NBAS: variants seen among roughly 807,000 people sequenced by gnomAD.
NBAS encodes NAG/BC035112 fusion.
NBAS carries 219 observed loss-of-function variants against 302.5 expected under a neutral mutation model. The ratio of observed to expected loss-of-function variants is 0.72; its 90% CI spans 0.65 to 0.81. The LOEUF is 0.81. Ranked by LOEUF, NBAS falls within the 30% of genes least tolerant of loss-of-function variation. The pLI, the probability that NBAS is intolerant of heterozygous loss-of-function variation, is 0.00. For missense variants in NBAS, 2,932 were observed against 2,841.6 expected (o/e 1.03, Z -0.72); for synonymous variants, 1,118 against 1,021.6 (o/e 1.09, Z -1.80).
At chr2:15,413,983 A>G (rs1418868917) in intron 25 of NBAS, among the ~76,000 whole-genome samples, 2 of 152,234 alleles carry the variant, frequency 1.3e-5, no homozygotes, top group Non-Finnish European at 2.9e-5. Context: ...GAAGTATAAC[A>G]CACAAGATTA....
At position 15,475,760 on chromosome 2, in the gene NBAS, C is replaced by G. The variant is rs781737999; in HGVS notation, c.1268G>C (p.Gly423Ala). The change falls in exon 14 of 52, where the codon GGA becomes GCA. Residue 423 changes from glycine (G) to alanine (A), a missense_variant. Physicochemically the swap from Gly to Ala is moderately conservative, Grantham distance 60. Coordinates refer to ENST00000281513, the MANE Select transcript of NBAS (RefSeq NM_015909.4). ...TGGTTCAAACCATTCACAGGATTTT[C>G]CCAGTAAATTCTTCAAAGTTTTCAC... ...SSVKTLKNLL[G>A]KSCEWFEPSP... 2.5e-6 allele frequency: 4 copies of G among 1,613,946 alleles called. No homozygotes were observed. The African/African-American group carries it at 5.3e-5, about 22-fold the overall frequency.
At chr2:14,797,975 G>T in the NBAS span, among the ~76,000 whole-genome samples, 1 of 152,064 alleles carries the variant, frequency 6.6e-6, no homozygotes, top group African/African-American at 2.4e-5. Flanking sequence ...CTAAACTAAC[G>T]TTACTTCTAG....
At chr2:14,810,624 G>C in the NBAS span, among the ~76,000 whole-genome samples, 6 of 152,126 alleles carry the variant, frequency 3.9e-5, no homozygotes, top group Non-Finnish European at 8.8e-5. Flanking sequence ...TTCAGATCTG[G>C]ACTCTGGCCT....
At chr2:15,048,697 C>G in the NBAS span, among the ~76,000 whole-genome samples, 1 of 152,234 alleles carries the variant, frequency 6.6e-6, no homozygotes, top group African/African-American at 2.4e-5. Context: ...CTACTTCCTT[C>G]TTGCTGAGAC....
At chr2:14,809,928 A>G in the NBAS span, among the ~76,000 whole-genome samples, 1 of 152,308 alleles carries the variant, frequency 6.6e-6, no homozygotes. Context: ...AAACGAGATC[A>G]TTTTGGAGCT....
chr2:14,912,102 A>G, the NBAS span, among the ~76,000 whole-genome samples: 3 of 152,238 alleles, frequency 2.0e-5, no homozygotes, highest in Non-Finnish European at 4.4e-5. Flanking sequence ...TACTGTAGGC[A>G]ATTATAACAC....
chr2:15,110,659 G>A, the NBAS span, among the ~76,000 whole-genome samples: 1 of 151,990 alleles, frequency 6.6e-6, no homozygotes, highest in Middle Eastern at 3.4e-3. Flanking sequence ...GTGATTGGAG[G>A]GTACTTCTCT....
the NBAS span, among the ~76,000 whole-genome samples, chr2:15,106,813 G>A: frequency 4.6e-5 from 7 of 152,016 alleles, no homozygotes; most frequent in African/African-American, 1.7e-4. Flanking sequence ...ATAGAGGGAG[G>A]TAATACAGTT....
chr2:15,035,585 A>G, the NBAS span, among the ~76,000 whole-genome samples: 1 of 152,234 alleles, frequency 6.6e-6, no homozygotes, highest in South Asian at 2.1e-4. Context: ...ACATGGACTC[A>G]ACCCAAATGC....
At chr2:15,046,050 G>A in the NBAS span, among the ~76,000 whole-genome samples, 1 of 152,148 alleles carries the variant, frequency 6.6e-6, no homozygotes, top group African/African-American at 2.4e-5. Flanking sequence ...TCAGGTGAAT[G>A]TATGTTCATA....
At chr2:15,209,371 G>T (rs545083890) in intron 48 of NBAS, among the ~76,000 whole-genome samples, 2 of 152,014 alleles carry the variant, frequency 1.3e-5, no homozygotes, top group East Asian at 3.9e-4. Context: ...ATTTAAAGAA[G>T]AATAATACCA....
intron 40 of NBAS, among the ~76,000 whole-genome samples, chr2:15,305,967 C>T (rs982550260): frequency 1.3e-5 from 2 of 152,104 alleles, no homozygotes; most frequent in African/African-American, 4.8e-5. Flanking sequence ...CTCAACTGAC[C>T]TTTAGGGGGA....
intron 44 of NBAS, among the ~76,000 whole-genome samples, chr2:15,240,412 C>T (rs1480770306): frequency 7.2e-6 from 1 of 138,400 alleles, no homozygotes; most frequent in South Asian, 2.2e-4. Flanking sequence ...ACAATCCGGG[C>T]TAACATGGTG....
At chr2:14,855,469 G>A in the NBAS span, among the ~76,000 whole-genome samples, 1 of 151,928 alleles carries the variant, frequency 6.6e-6, no homozygotes, top group South Asian at 2.1e-4. Flanking sequence ...GCTCTTGGGG[G>A]TGCCTGATTC....
intron 10 of NBAS, among the ~76,000 whole-genome samples, chr2:15,508,754 A>G (rs1661994597): frequency 6.6e-6 from 1 of 152,172 alleles, no homozygotes; most frequent in South Asian, 2.1e-4. Context: ...CTGTAATCCT[A>G]GCACTTTGGG....
chr2:15,232,912 G>T (rs749794453), intron 46 of NBAS, among the ~76,000 whole-genome samples: 1 of 151,060 alleles, frequency 6.6e-6, no homozygotes. Flanking sequence ...TAAGTACCAG[G>T]CAATGCTAAA....
At chr2:15,257,342 G>A (rs1319970231) in intron 44 of NBAS, among the ~76,000 whole-genome samples, 1 of 151,246 alleles carries the variant, frequency 6.6e-6, no homozygotes, top group Non-Finnish European at 1.5e-5. Flanking sequence ...GTTCATAGTA[G>A]CTCTGAATGA....
the NBAS span, among the ~76,000 whole-genome samples, chr2:14,920,118 T>G: frequency 6.6e-6 from 1 of 152,226 alleles, no homozygotes; most frequent in Admixed American, 6.5e-5. Flanking sequence ...TCAAAATTAT[T>G]CCTTGATCCA....
chr2:15,032,583 G>C, the NBAS span, among the ~76,000 whole-genome samples: 1 of 152,164 alleles, frequency 6.6e-6, no homozygotes, highest in South Asian at 2.1e-4. Context: ...TGAAGACAGA[G>C]TTATTAAGCA....
Sources: gnomAD v4.1 joint callset for allele counts (sites outside exome capture counted in the v4.1 genomes callset) on GRCh38, gnomAD v4.1.1 for gene constraint, MANE v1.5 for transcripts, NCBI Gene and HGNC (gene_info 2026-07-23, HGNC 2026-07-21) for gene names.